GPR143: variants seen among roughly 807,000 people sequenced by gnomAD.
GPR143 encodes the protein G protein-coupled receptor 143, also known as G-protein coupled receptor 143.
Under a neutral mutation model 27.6 loss-of-function variants are expected in GPR143, and 8 were observed. The observed-to-expected ratio is 0.29, with a 90% CI of 0.17 to 0.52. The LOEUF (loss-of-function observed/expected upper bound fraction) is 0.52, where lower values mean the gene tolerates loss of function less well. Among genes scored for constraint, GPR143 ranks in the 20% least tolerant of loss-of-function variants. The pLI, the probability that GPR143 is intolerant of heterozygous loss-of-function variation, is 0.96. For missense variants in GPR143, 303 were observed against 343.1 expected (o/e 0.88, Z 0.92); for synonymous variants, 156 against 153.2 (o/e 1.02, Z -0.13).
upstream of GPR143, chrX:9,766,036 CAGAG>C (rs2083531938): frequency 7.1e-6 from 2 of 283,574 alleles, no homozygotes; most frequent in Non-Finnish European, 1.2e-5. Context: ...AGGAGGAGGA[CAGAG>C]AGAGGGAGGG....
intron 1 of GPR143, among the ~76,000 whole-genome samples, chrX:9,773,830 C>T (rs1215472658): frequency 9.0e-6 from 1 of 110,832 alleles, no homozygotes. Context: ...CACCACTTCA[C>T]TCCAGCCTGG....
chrX:9,750,264 C>A (rs1488056263), intron 3 of GPR143, among the ~76,000 whole-genome samples: 1 of 111,730 alleles, frequency 9.0e-6, no homozygotes, highest in Non-Finnish European at 1.9e-5. Flanking sequence ...GGCTGGAGTC[C>A]AGTGATGCAA....
At chrX:9,766,283 G>C (rs2083533067), upstream of GPR143, 1 of 112,570 alleles carries the variant, frequency 8.9e-6, no homozygotes, top group Non-Finnish European at 1.9e-5. Context: ...GCCAGAACAT[G>C]TTCATAAACT....
chrX:9,761,418 C>T (rs1217470023), intron 1 of GPR143, among the ~76,000 whole-genome samples: 1 of 112,461 alleles, frequency 8.9e-6, no homozygotes, highest in Non-Finnish European at 1.9e-5. Context: ...CTTATGGTAG[C>T]AAAACAAACG....
chrX:9,773,637 C>T (rs1333381788), intron 1 of GPR143, among the ~76,000 whole-genome samples: 1 of 111,201 alleles, frequency 9.0e-6, no homozygotes, highest in Non-Finnish European at 1.9e-5. Context: ...CTTTGGGAGG[C>T]CGAGGCGGGT....
chrX:9,739,428 T>C, intron 8 of GPR143, 57 bp downstream of exon 8: 6 of 861,704 alleles, frequency 7.0e-6, no homozygotes, highest in Non-Finnish European at 1.0e-5. Context: ...CTCTAAGGCT[T>C]TCCAAGGGGA....
intron 8 of GPR143, among the ~76,000 whole-genome samples, chrX:9,738,067 A>G (rs1284371856): frequency 3.6e-5 from 4 of 111,918 alleles, no homozygotes; most frequent in Non-Finnish European, 7.5e-5. Context: ...TTATTTTTCT[A>G]TTGGATCTGT....
intron 1 of GPR143, among the ~76,000 whole-genome samples, chrX:9,775,425 T>A (rs1327030671): frequency 9.0e-6 from 1 of 111,377 alleles, no homozygotes; most frequent in Non-Finnish European, 1.9e-5. Context: ...AAGAGGAAAG[T>A]TCAGTGATAT....
At chrX:9,727,430 C>G (rs983379647) in intron 8 of GPR143, among the ~76,000 whole-genome samples, 3 of 112,845 alleles carry the variant, frequency 2.7e-5, no homozygotes, top group African/African-American at 9.6e-5. Flanking sequence ...AACTTGAGAA[C>G]TGGTGTGCAA....
At chrX:9,752,716 C>T (rs772799394) in intron 3 of GPR143, among the ~76,000 whole-genome samples, 1 of 111,824 alleles carries the variant, frequency 8.9e-6, no homozygotes, top group Admixed American at 9.5e-5. Context: ...CCTGGAGGTG[C>T]ACACCTGTAG....
At chrX:9,768,841 C>T (rs1415089206), upstream of GPR143, among the ~76,000 whole-genome samples, 2 of 110,823 alleles carry the variant, frequency 1.8e-5, no homozygotes, top group Non-Finnish European at 3.8e-5. Flanking sequence ...TCACACTCAG[C>T]TAATTTTTTG....
At chrX:9,754,605 G>T (rs1267413030) in intron 3 of GPR143, among the ~76,000 whole-genome samples, 1 of 111,220 alleles carries the variant, frequency 9.0e-6, no homozygotes, top group East Asian at 2.8e-4. Context: ...GAAGACCCTT[G>T]GTCCCAACAT....
chrX:9,765,707 G>A lies in GPR143; in HGVS notation c.111C>T (p.Gly37=). 9.0e-7 allele frequency: 1 copy of A among 1,111,608 alleles called. No homozygotes were observed. Among genetic ancestry groups the A allele is most frequent in the Non-Finnish European group, 1.2e-6 (1 of 851,148 alleles). The allele number at this position is 1,111,608 out of a possible 1,213,427, so 91.6% of individuals were successfully genotyped here. A position where few individuals can be genotyped will look rare whatever the true frequency, so the allele number is the denominator to read the frequency against. ...RAFHALCLGS[G]GLRLALGLLQ... ...GAAGGCCCAGCGCCAAGCGGAGCCC[G>A]CCGCTGCCCAGGCAGAGCGCGTGGA... The change falls in exon 1 of 9, where the codon GGC becomes GGT. Residue 37 remains glycine (G), a synonymous_variant. Coordinates refer to ENST00000467482, the MANE Select transcript of GPR143 (RefSeq NM_000273.3).
intron 3 of GPR143, among the ~76,000 whole-genome samples, chrX:9,757,767 T>C (rs1239727413): frequency 1.8e-5 from 2 of 110,909 alleles, no homozygotes; most frequent in Non-Finnish European, 3.8e-5. Context: ...GTTGTTGTTG[T>C]TGTTTGTTTC....
rs753851836 is a variant in GPR143 at position 9,727,909 on chromosome X, A to G, written c.1121-2069T>C. Among the ~76,000 whole-genome samples the G allele has an allele frequency of 5.9e-4, 66 of 112,767 alleles. 1 individual carries two copies. Among genetic ancestry groups the G allele is most frequent in the Non-Finnish European group, 1.1e-3 (61 of 53,345 alleles). On this transcript the variant is annotated intron_variant, in intron 8 of 8. Transcript: ENST00000467482. Reference sequence around the variant, plus strand: ...CTCACTCCAGGCTTGGTCCTGCCACAGGGCATTGGTGCCTCTCTTTTTCTG... The same window carrying G: ...CTCACTCCAGGCTTGGTCCTGCCACGGGGCATTGGTGCCTCTCTTTTTCTG...
chrX:9,732,865 C>CAAAAAA (rs34622284), intron 8 of GPR143, among the ~76,000 whole-genome samples: 6 of 48,127 alleles, frequency 1.2e-4, no homozygotes, highest in East Asian at 7.7e-4. Flanking sequence ...AACTCCATCT[C>CAAAAAA]AAAAAAAAAA....
chrX:9,770,355 G>GAGAGAGAA (rs1467430449), upstream of GPR143, among the ~76,000 whole-genome samples: 9 of 93,214 alleles, frequency 9.7e-5, no homozygotes, highest in Non-Finnish European at 2.0e-4. Flanking sequence ...GAGAGAGAGA[G>GAGAGAGAA]AGGAAGACCA....
At chrX:9,763,263 G>T (rs1454403866) in intron 1 of GPR143, among the ~76,000 whole-genome samples, 1 of 110,834 alleles carries the variant, frequency 9.0e-6, no homozygotes, top group Non-Finnish European at 1.9e-5. Context: ...AGGATCGCTT[G>T]AGCCTAGAAG....
chrX:9,736,546 TC>T (rs1187394204), intron 8 of GPR143, among the ~76,000 whole-genome samples: 1 of 111,515 alleles, frequency 9.0e-6, no homozygotes, highest in East Asian at 2.8e-4. Flanking sequence ...TTCCTCAGCC[TC>T]CTGAGTAGCT....
Sources: gnomAD v4.1 joint callset for allele counts (sites outside exome capture counted in the v4.1 genomes callset) on GRCh38, gnomAD v4.1.1 for gene constraint, MANE v1.5 for transcripts, NCBI Gene and HGNC (gene_info 2026-07-23, HGNC 2026-07-21) for gene names.